Variants in SH3RF2 observed in about 807,000 individuals in gnomAD.
SH3RF2 encodes SH3 domain containing ring finger 2, also known as E3 ubiquitin-protein ligase SH3RF2.
SH3RF2 carries 43 observed loss-of-function variants against 59.0 expected under a neutral mutation model. That is an observed-to-expected ratio of 0.73 (90% confidence interval 0.57 to 0.94). SH3RF2 has a LOEUF of 0.94. SH3RF2 is among the 40% of genes least tolerant of loss of function. The pLI is 0.00. For synonymous variants in SH3RF2, 391 were observed against 391.5 expected (o/e 1.00, Z 0.01); for missense variants, 930 against 940.1 (o/e 0.99, Z 0.14).
intron 4 of SH3RF2, among the ~76,000 whole-genome samples, chr5:146,009,038 A>G (rs1174155415): frequency 6.6e-6 from 1 of 152,226 alleles, no homozygotes; most frequent in East Asian, 1.9e-4. Flanking sequence ...CGTGAAAGAC[A>G]CTGGAGTTGT....
intron 4 of SH3RF2, among the ~76,000 whole-genome samples, chr5:146,010,796 T>G (rs1020733382): frequency 1.7e-4 from 26 of 152,254 alleles, no homozygotes; most frequent in Non-Finnish European, 2.8e-4. Flanking sequence ...GTCAGATGAG[T>G]AGATTGCAAA....
intron 2 of SH3RF2, among the ~76,000 whole-genome samples, chr5:145,951,118 G>A (rs543106441): frequency 6.6e-6 from 1 of 152,236 alleles, no homozygotes; most frequent in South Asian, 2.1e-4. Flanking sequence ...TTTTCAGAAA[G>A]ATGGCTAACA....
intron 8 of SH3RF2, among the ~76,000 whole-genome samples, chr5:146,057,984 C>CTATCTATCTATATA (rs1554120847): frequency 1.4e-5 from 2 of 145,742 alleles, no homozygotes; most frequent in African/African-American, 5.3e-5. Context: ...ATCTATCTAT[C>CTATCTATCTATATA]TATATATATA....
intron 5 of SH3RF2, among the ~76,000 whole-genome samples, chr5:146,040,774 A>C (rs1762097809): frequency 1.3e-5 from 2 of 152,226 alleles, no homozygotes; most frequent in South Asian, 4.1e-4. Context: ...CTCATCAAGA[A>C]CAGGGAGGGT....
chr5:146,060,239 A>G lies in SH3RF2; in HGVS notation c.1914+15A>G. 6.3e-7 allele frequency: 1 copy of G among 1,578,182 alleles called. No homozygotes were observed. On this transcript the variant is annotated intron_variant, in intron 9 of 9. Coordinates refer to ENST00000359120, the MANE Select transcript of SH3RF2 (RefSeq NM_152550.4). ...GCATCGAAAAGGTAGGATCAGAGTG[A>G]CATTGGGGGCCCAACTCTTTCGATC...
At chr5:146,037,410 T>C (rs114936737) in intron 5 of SH3RF2, among the ~76,000 whole-genome samples, 1,729 of 152,228 alleles carry the variant, frequency 0.011, 32 homozygotes, top group African/African-American at 0.04. Flanking sequence ...ACTGCTCCCA[T>C]GGGGTTCCTT....
chr5:146,016,881 A>G (rs1035876362), intron 5 of SH3RF2, among the ~76,000 whole-genome samples: 1 of 152,176 alleles, frequency 6.6e-6, no homozygotes, highest in African/African-American at 2.4e-5. Flanking sequence ...TCCATTTACT[A>G]TCACTTTGTT....
chr5:145,951,250 C>T (rs1758183314), intron 2 of SH3RF2, among the ~76,000 whole-genome samples: 1 of 152,204 alleles, frequency 6.6e-6, no homozygotes, highest in African/African-American at 2.4e-5. Context: ...GGGCAAGCTA[C>T]CCATGTAGAC....
intron 4 of SH3RF2, among the ~76,000 whole-genome samples, chr5:146,010,629 G>C (rs967539508): frequency 6.6e-6 from 1 of 152,192 alleles, no homozygotes; most frequent in Non-Finnish European, 1.5e-5. Context: ...CTGATGGCCA[G>C]TGATGATGAG....
chr5:145,953,653 C>T (rs1489907303), intron 2 of SH3RF2, among the ~76,000 whole-genome samples: 1 of 152,088 alleles, frequency 6.6e-6, no homozygotes, highest in East Asian at 1.9e-4. Context: ...TATTTCATCA[C>T]CCAGGAATTA....
At position 146,046,767 on chromosome 5, in the gene SH3RF2, CT is replaced by C. The variant is rs56115378; in HGVS notation, c.1060-991del. Among the ~76,000 whole-genome samples, 512 of 144,558 alleles carry C rather than the reference CT, an allele frequency of 3.5e-3. 2 individuals are homozygous for C. The highest frequency in any genetic ancestry group is 3.5e-3 in the Non-Finnish European group (229 of 65,410). The allele number at this position is 144,558 out of a possible 152,430, so 94.8% of individuals were successfully genotyped here. ...TAGGATAGTAGGCAGTTTACAGGAACTTTTTTTTTTTTTTGAGATAGGGTCT... is the reference window on the plus strand; with the variant it reads ...TAGGATAGTAGGCAGTTTACAGGAACTTTTTTTTTTTTTGAGATAGGGTCT... On this transcript the variant is annotated intron_variant, in intron 5 of 9. Coordinates refer to ENST00000359120, the MANE Select transcript of SH3RF2 (RefSeq NM_152550.4).
intron 9 of SH3RF2, among the ~76,000 whole-genome samples, chr5:146,070,408 G>C (rs1005123095): frequency 4.6e-5 from 7 of 152,296 alleles, no homozygotes; most frequent in African/African-American, 1.7e-4. Context: ...TGAGAAGTAA[G>C]ATAACTGAGA....
At chr5:146,002,503 AGGAAG>A (rs1241439841) in intron 3 of SH3RF2, among the ~76,000 whole-genome samples, 2 of 150,682 alleles carry the variant, frequency 1.3e-5, no homozygotes, top group Non-Finnish European at 3.0e-5. Context: ...GAAGGAAGGA[AGGAAG>A]GAAGGAAGGA....
intron 2 of SH3RF2, among the ~76,000 whole-genome samples, chr5:145,969,225 A>G (rs2149960452): frequency 6.6e-6 from 1 of 152,340 alleles, no homozygotes; most frequent in East Asian, 1.9e-4. Context: ...AATGAAGCAC[A>G]ATTCCTGCAC....
intron 2 of SH3RF2, among the ~76,000 whole-genome samples, chr5:145,944,427 C>T (rs1757938183): frequency 6.6e-6 from 1 of 150,666 alleles, no homozygotes; most frequent in Non-Finnish European, 1.5e-5. Context: ...TTATAGCTTG[C>T]TGCAGCCTCG....
intron 9 of SH3RF2, among the ~76,000 whole-genome samples, chr5:146,069,779 A>G (rs987774061): frequency 6.6e-6 from 1 of 151,846 alleles, no homozygotes; most frequent in South Asian, 2.1e-4. Flanking sequence ...TTGCTATGTT[A>G]CCCAGACTGG....
At chr5:146,034,516 A>G (rs1434335925) in intron 5 of SH3RF2, among the ~76,000 whole-genome samples, 4 of 152,222 alleles carry the variant, frequency 2.6e-5, no homozygotes, top group Non-Finnish European at 4.4e-5. Flanking sequence ...GGCTTTGGAA[A>G]CACATGCCCT....
At chr5:146,074,900 C>T (rs1161579060) in intron 9 of SH3RF2, among the ~76,000 whole-genome samples, 1 of 152,156 alleles carries the variant, frequency 6.6e-6, no homozygotes, top group Non-Finnish European at 1.5e-5. Flanking sequence ...GTGTGACTTG[C>T]TGTGTGACTT....
At chr5:146,019,783 T>C (rs953467043) in intron 5 of SH3RF2, among the ~76,000 whole-genome samples, 3 of 152,230 alleles carry the variant, frequency 2.0e-5, no homozygotes, top group East Asian at 1.9e-4. Context: ...CTTTCAACAG[T>C]GTTTTGTAGT....
Sources: allele counts gnomAD v4.1 joint callset (sites outside exome capture counted in the v4.1 genomes callset), GRCh38; gene constraint gnomAD v4.1.1; transcripts MANE v1.5; gene names NCBI Gene and HGNC (gene_info 2026-07-23, HGNC 2026-07-21).